Variants in MYOT observed in about 807,000 individuals in gnomAD.
MYOT encodes the protein myotilin.
MYOT carries 36 observed loss-of-function variants against 58.0 expected under a neutral mutation model. That is an observed-to-expected ratio of 0.62 (90% confidence interval 0.48 to 0.82). The LOEUF (loss-of-function observed/expected upper bound fraction) is 0.82. Ranked by LOEUF, MYOT falls within the 40% of genes least tolerant of loss-of-function variation. The pLI is 0.00. For missense variants in MYOT, 505 were observed against 592.1 expected (o/e 0.85, Z 1.53); for synonymous variants, 218 against 204.6 (o/e 1.07, Z -0.56).
intron 3 of MYOT, among the ~76,000 whole-genome samples, chr5:137,876,553 C>T (rs1755227976): frequency 6.6e-6 from 1 of 152,136 alleles, no homozygotes; most frequent in African/African-American, 2.4e-5. Flanking sequence ...CGTCTGTAAT[C>T]CCAGCACTTT....
intron 9 of MYOT, 70 bp from the exon 10 acceptor site, chr5:137,887,141 TAA>T: frequency 6.3e-7 from 1 of 1,589,078 alleles, no homozygotes; most frequent in South Asian, 1.1e-5. Flanking sequence ...TCCTGTCTGA[TAA>T]TAAATACCTA....
At position 137,870,550 on chromosome 5, in the gene MYOT, T is replaced by C. The variant is rs1329205655; in HGVS notation, c.-102T>C. 2 of 1,026,756 alleles carry C rather than the reference T, an allele frequency of 1.9e-6. No individual in the cohort carries two copies. The highest frequency in any genetic ancestry group is 3.4e-5 in the Admixed American group (2 of 59,150). 63.6% of individuals were successfully genotyped at this position (1,026,756 alleles called of 1,614,324 possible). On this transcript the variant is annotated 5_prime_UTR_variant, in exon 2 of 10. Coordinates refer to ENST00000239926, the MANE Select transcript of MYOT (RefSeq NM_006790.3). ...GGTTGCTTCTGATTCCTTACAACCT[T>C]CCGTAATTCCAGGCTTGTGGCCCCA... is the stretch of plus-strand genomic sequence containing the variant.
At chr5:137,869,629 A>T (rs1400865491) in intron 1 of MYOT, among the ~76,000 whole-genome samples, 1 of 152,156 alleles carries the variant, frequency 6.6e-6, no homozygotes, top group African/African-American at 2.4e-5. Context: ...AGCTAAAGCA[A>T]TTTCAAAATT....
At chr5:137,881,013 A>C in intron 5 of MYOT, 148 bp downstream of exon 5, 2 of 618,246 alleles carry the variant, frequency 3.2e-6, no homozygotes, top group Non-Finnish European at 5.6e-6. Context: ...AAGATGACCA[A>C]AATTTTGACG....
intron 2 of MYOT, among the ~76,000 whole-genome samples, chr5:137,874,052 A>G (rs1755131697): frequency 6.6e-6 from 1 of 152,248 alleles, no homozygotes; most frequent in Non-Finnish European, 1.5e-5. Context: ...GGAAAGGATC[A>G]TTTCAGAGAA....
At position 137,870,992 on chromosome 5, in the gene MYOT, C is replaced by A. The variant is rs145935629; in HGVS notation, c.341C>A (p.Ser114Tyr). 1 of 1,613,518 alleles carries A rather than the reference C, an allele frequency of 6.2e-7. No individual in the cohort carries two copies. Among genetic ancestry groups the A allele is most frequent in the Non-Finnish European group, 8.5e-7 (1 of 1,179,490 alleles). Reference sequence around the variant, plus strand: ...GATTACAATAGCAGTAAAATCCCTTCCGCTATGGATTCCAAGTAAGTGAAT... The same window carrying A: ...GATTACAATAGCAGTAAAATCCCTTACGCTATGGATTCCAAGTAAGTGAAT... ...QPDYNSSKIP[S>Y]AMDSNYQQSS... The change falls in exon 2 of 10, where the codon TCC (serine) becomes TAC (tyrosine). Residue 114 changes from serine (S) to tyrosine (Y), a missense_variant. Transcript: ENST00000239926.
chr5:137,886,973 T>C lies in MYOT; in HGVS notation c.1300T>C (p.Cys434Arg), dbSNP rs769872126. 12 of 1,613,514 alleles carry C rather than the reference T, an allele frequency of 7.4e-6. No homozygotes were observed. Among genetic ancestry groups the C allele is most frequent in the Non-Finnish European group, 1.0e-5 (12 of 1,179,548 alleles). Residue 434 changes from cysteine to arginine, a missense_variant, in exon 9 of 10, where the codon TGT becomes CGT. Cys to Arg is a radical substitution (Grantham distance 180). Coordinates refer to ENST00000239926, the MANE Select transcript of MYOT (RefSeq NM_006790.3). ...SAVNEAGVTT[C>R]NTRLDVTARP... ...AGTTAATGAAGCTGGAGTGACTACA[T>C]GTAACACAAGATTAGACGTTACGGG...
chr5:137,868,311 A>C (rs947974073), intron 1 of MYOT, among the ~76,000 whole-genome samples: 2 of 152,336 alleles, frequency 1.3e-5, no homozygotes, highest in African/African-American at 4.8e-5. Flanking sequence ...AAAAATGTTA[A>C]GATTTTTTAA....
At position 137,886,857 on chromosome 5, in the gene MYOT, A is replaced by C. The variant is rs769023225; in HGVS notation, c.1191-7A>C. The C allele has an allele frequency of 7.8e-6, 12 of 1,543,958 alleles. No homozygotes were observed. Among genetic ancestry groups the C allele is most frequent in the Non-Finnish European group, 1.1e-5 (12 of 1,117,012 alleles). ...GTACTTTCATTTCTTAAAAATTTTT[A>C]TTTCAGCTTATATCAAGATAACACT... On this transcript the variant is annotated splice_region_variant and splice_polypyrimidine_tract_variant and intron_variant, in intron 8 of 9. Transcript: ENST00000239926.
chr5:137,881,746 G>C (rs772785110), intron 5 of MYOT, among the ~76,000 whole-genome samples: 4 of 151,848 alleles, frequency 2.6e-5, no homozygotes, highest in Non-Finnish European at 5.9e-5. Context: ...ATCCAGGCTG[G>C]AGTGCAGCGA....
chr5:137,871,698 T>G (rs2149979465), intron 2 of MYOT, among the ~76,000 whole-genome samples: 1 of 152,334 alleles, frequency 6.6e-6, no homozygotes, highest in South Asian at 2.1e-4. Context: ...GGACTAATAC[T>G]GGGGCCTTAT....
chr5:137,870,339 GGAAA>G (rs1365233839), intron 1 of MYOT, 98 bp from the exon 2 acceptor site: 3 of 402,926 alleles, frequency 7.4e-6, no homozygotes, highest in African/African-American at 6.6e-5. Flanking sequence ...AAGGAAGGAA[GGAAA>G]GAAAGGAAAA....
chr5:137,869,287 T>C lies in MYOT; in HGVS notation c.-211-1154T>C, dbSNP rs369058933. On this transcript the variant is annotated intron_variant, in intron 1 of 9. Transcript: ENST00000239926. The stretch of plus-strand genomic sequence containing the variant: ...AATAGGCAAATGTATTTTGAATCAA[T>C]TTATCTGATATTTTCAATGAAAACA... Among the ~76,000 whole-genome samples, 289 of 152,348 alleles carry C rather than the reference T, an allele frequency of 1.9e-3. 7 individuals are homozygous for C. In the South Asian group the frequency reaches 0.058, roughly 30 times the overall value.
At chr5:137,871,059 T>G (rs765457844) in intron 2 of MYOT, 52 bp downstream of exon 2, 1 of 1,505,980 alleles carries the variant, frequency 6.6e-7, no homozygotes, top group Non-Finnish European at 9.1e-7. Flanking sequence ...TCTGAGGAGT[T>G]TGCGAGGGGG....
At chr5:137,884,324 G>A (rs538633891) in intron 7 of MYOT, among the ~76,000 whole-genome samples, 14 of 152,230 alleles carry the variant, frequency 9.2e-5, no homozygotes, top group African/African-American at 1.7e-4. Context: ...ACTGTACTCC[G>A]GCCTGGGTGA....
intron 7 of MYOT, 127 bp from the exon 8 acceptor site, chr5:137,885,919 TGA>T (rs1755585875): frequency 4.9e-6 from 3 of 616,574 alleles, no homozygotes; most frequent in Admixed American, 6.0e-5. Flanking sequence ...TCTTTTTTAC[TGA>T]GTTTCTTTCT....
chr5:137,883,172 G>C, intron 6 of MYOT: 1 of 550,416 alleles, frequency 1.8e-6, no homozygotes, highest in Non-Finnish European at 3.2e-6. Context: ...AAGAGTTATG[G>C]TTTGAGACAG....
intron 4 of MYOT, among the ~76,000 whole-genome samples, chr5:137,879,688 CTT>C (rs1187720466): frequency 6.4e-4 from 60 of 94,486 alleles, no homozygotes; most frequent in African/African-American, 2.2e-3. Context: ...CCACACCCGG[CTT>C]TTTTTTTTTT....
Position 137,875,947 on chromosome 5 carries a change from CA to C in MYOT, c.477del (p.Asp160IlefsTer6). On this transcript the variant is annotated frameshift_variant, in exon 3 of 10. Coordinates refer to ENST00000239926, the MANE Select transcript of MYOT (RefSeq NM_006790.3). LOFTEE classifies it high-confidence loss of function. Reference sequence around the variant, plus strand: ...ACAAGGATCAAAAGAAGCTTTGATTCAAGATTTGGAAAGAAAGCTGAAATGC... The same window carrying C: ...ACAAGGATCAAAAGAAGCTTTGATTCAGATTTGGAAAGAAAGCTGAAATGC... Reference protein sequence around the residue: ...EIQGSKEALIQDLERKLKCKD... With the variant: ...EIQGSKEALIXDLERKLKCKD... 1.2e-6 allele frequency: 2 copies of C among 1,614,008 alleles called. No individual in the cohort carries two copies. The highest frequency in any genetic ancestry group is 2.7e-5 in the African/African-American group (2 of 75,022).
Sources: gnomAD v4.1 joint callset for allele counts (sites outside exome capture counted in the v4.1 genomes callset) on GRCh38, gnomAD v4.1.1 for gene constraint, MANE v1.5 for transcripts, NCBI Gene and HGNC (gene_info 2026-07-23, HGNC 2026-07-21) for gene names.